B3GALT2: variants seen among roughly 807,000 people sequenced by gnomAD.
B3GALT2 encodes UDP-Gal:betaGlcNAc beta 1,3-galactosyltransferase, polypeptide 2.
Under a neutral mutation model 33.5 loss-of-function variants are expected in B3GALT2, and 13 were observed. The observed-to-expected ratio is 0.39, with a 90% CI of 0.25 to 0.62. The LOEUF (loss-of-function observed/expected upper bound fraction) is 0.62. Ranked by LOEUF, B3GALT2 falls within the 20% of genes least tolerant of loss-of-function variation. B3GALT2 has a pLI of 0.53. For missense variants in B3GALT2, 418 were observed against 509.1 expected (o/e 0.82, Z 1.72); for synonymous variants, 195 against 172.7 (o/e 1.13, Z -1.01).
At position 193,180,776 on chromosome 1, in the gene B3GALT2, T is replaced by G; in HGVS notation, c.787A>C (p.Ile263Leu). The change falls in exon 2 of 2, where the codon ATC becomes CTC. Residue 263 changes from isoleucine to leucine, a missense_variant. Transcript: ENST00000367434. ...AGATCTGGCTTCAGTAACTTATTGA[T>G]TAAATATTCAGTGTTGACAAACATG... Reference protein sequence around the residue: ...SDMFVNTEYLINKLLKPDLPP... With the variant: ...SDMFVNTEYLLNKLLKPDLPP... 6.2e-7 allele frequency: 1 copy of G among 1,614,070 alleles called. No homozygotes were observed.
chr1:193,182,410 TGTAA>T (rs1158530212), intron 1 of B3GALT2, among the ~76,000 whole-genome samples: 3 of 152,178 alleles, frequency 2.0e-5, no homozygotes, highest in Non-Finnish European at 4.4e-5. Context: ...AAATACAGCA[TGTAA>T]GTGTCTTTGA....
At chr1:193,185,678 G>T (rs909407740) in intron 1 of B3GALT2, among the ~76,000 whole-genome samples, 1 of 151,848 alleles carries the variant, frequency 6.6e-6, no homozygotes, top group African/African-American at 2.4e-5. Context: ...GATTCAGTTT[G>T]ACCTAATTTG....
chr1:193,179,220 C>G lies in B3GALT2; in HGVS notation c.*1074G>C, dbSNP rs1676666098. 1 of 152,124 alleles carries G rather than the reference C, an allele frequency of 6.6e-6. No homozygotes were observed. The allele number at this position is 152,124 out of a possible 1,614,324, so 9.4% of individuals were successfully genotyped here. On this transcript the variant is annotated 3_prime_UTR_variant, in exon 2 of 2. Transcript: ENST00000367434. ...TACCAAATTAAAAACTGCAGGTTTG[C>G]AAACTTGGCACTCCAAGAAAGAAAT...
At chr1:193,184,810 G>A (rs902648138) in intron 1 of B3GALT2, among the ~76,000 whole-genome samples, 14 of 152,026 alleles carry the variant, frequency 9.2e-5, no homozygotes, top group African/African-American at 3.4e-4. Context: ...ATGTTGAGGT[G>A]TAATAGAGTC....
At chr1:193,182,233 A>G (rs1192077670) in intron 1 of B3GALT2, among the ~76,000 whole-genome samples, 1 of 152,132 alleles carries the variant, frequency 6.6e-6, no homozygotes, top group Non-Finnish European at 1.5e-5. Context: ...GTGTTGAGAA[A>G]GTCAATGAGA....
In B3GALT2 at chr1:193,181,543, C is replaced by T; in HGVS notation, c.20G>A (p.Arg7Lys). ...GGTCATCTTTGCAAAGCAGCAGTGT[C>T]TTCTCCTCCACTGAAGCATGTTGTA... MLQWRR[R>K]HCCFAKMTWN... Residue 7 changes from arginine to lysine, a missense_variant, in exon 2 of 2, where the codon AGA (arginine) becomes AAA (lysine). Physicochemically the swap from Arg to Lys is conservative, Grantham distance 26. Coordinates refer to ENST00000367434, the MANE Select transcript of B3GALT2 (RefSeq NM_003783.3). 6.3e-7 allele frequency: 1 copy of T among 1,597,312 alleles called. No individual in the cohort carries two copies. Among genetic ancestry groups the T allele is most frequent in the Non-Finnish European group, 8.5e-7 (1 of 1,173,244 alleles).
Position 193,180,315 on chromosome 1 carries a change from A to G in B3GALT2, c.1248T>C (p.Tyr416=), listed in dbSNP as rs1421946849. 6.3e-7 allele frequency: 1 copy of G among 1,581,924 alleles called. No homozygotes were observed. Among genetic ancestry groups the G allele is most frequent in the Non-Finnish European group, 8.6e-7 (1 of 1,164,796 alleles). The change falls in exon 2 of 2, where the codon TAT becomes TAC. Residue 416 remains tyrosine, a synonymous_variant. Transcript: ENST00000367434. ...ANAAKEKAGR[Y]RHRKLH The stretch of plus-strand genomic sequence containing the variant: ...TTTTCTAATGTAGTTTACGGTGGCG[A>G]TACCTGCCTGCCTTTTCTTTTGCTG...
rs1486352660 is a variant in B3GALT2 at position 193,186,360 on chromosome 1, G to C, written c.-462C>G. The stretch of plus-strand genomic sequence containing the variant: ...GCTTTTTACATCTGCTATTTTCCTG[G>C]CTGGACAATGCAGTGCTGTGTTCTC... On this transcript the variant is annotated 5_prime_UTR_variant, in exon 1 of 2. Transcript: ENST00000367434. The C allele has an allele frequency of 6.6e-6, 1 of 152,262 alleles. No individual in the cohort carries two copies. The highest frequency in any genetic ancestry group is 1.5e-5 in the Non-Finnish European group (1 of 68,010). The allele number at this position is 152,262 out of a possible 1,614,324, so 9.4% of individuals were successfully genotyped here. A position where few individuals can be genotyped will look rare whatever the true frequency, so the allele number is the denominator to read the frequency against.
Position 193,180,990 on chromosome 1 carries a change from C to T in B3GALT2, c.573G>A (p.Leu191=). ...AGCCATTTAGCTTAATACTTAAGCC[C>T]AACAAAAATATTCTTGTGATTTGAA... ...PGIQITRIFL[L]GLSIKLNGYL... is the part of the protein sequence containing the mutation. The change falls in exon 2 of 2, where the codon TTG becomes TTA. Residue 191 remains leucine (L), a synonymous_variant. Coordinates refer to ENST00000367434, the MANE Select transcript of B3GALT2 (RefSeq NM_003783.3). The T allele has an allele frequency of 6.2e-7, 1 of 1,613,384 alleles. No individual in the cohort carries two copies. The highest frequency in any genetic ancestry group is 8.5e-7 in the Non-Finnish European group (1 of 1,179,928).
rs1321864139 is a variant in B3GALT2 at position 193,185,439 on chromosome 1, G to A, written c.-121+580C>T. Among the ~76,000 whole-genome samples, 3 of 151,592 alleles carry A rather than the reference G, an allele frequency of 2.0e-5. No homozygotes were observed. The East Asian group carries it at 5.8e-4, about 29-fold the overall frequency. On this transcript the variant is annotated intron_variant, in intron 1 of 1. Coordinates refer to ENST00000367434, the MANE Select transcript of B3GALT2 (RefSeq NM_003783.3). ...CCTTTTAGTATCTTCTTGTAGCTTG[G>A]TAATATTTAAAATTTGTTGATACTC...
intron 1 of B3GALT2, among the ~76,000 whole-genome samples, chr1:193,182,079 A>G (rs1461823424): frequency 1.3e-5 from 2 of 152,172 alleles, no homozygotes; most frequent in Non-Finnish European, 2.9e-5. Flanking sequence ...GATTTGACAT[A>G]CTATTGGTGG....
Position 193,180,695 on chromosome 1 carries a change from G to T in B3GALT2, c.868C>A (p.Arg290=), listed in dbSNP as rs748304059. 2.5e-5 allele frequency: 40 copies of T among 1,614,046 alleles called. No homozygotes were observed. Among genetic ancestry groups the T allele is most frequent in the Admixed American group, 6.7e-5 (4 of 60,008 alleles). ...ATGTACCACTTGCTATCTTTGTTTC[G>T]ATTGGGTGCATATCCTCGCATTAGG... ...GYLMRGYAPN[R]NKDSKWYMPP... The change falls in exon 2 of 2, where the codon CGA becomes AGA. Residue 290 remains arginine (R), a synonymous_variant. Transcript: ENST00000367434.
Position 193,180,826 on chromosome 1 carries a change from G to A in B3GALT2, c.737C>T (p.Pro246Leu). ...NWVATYCPHI[P>L]YVMKTDSDMF... is the part of the protein sequence containing the mutation. ...GTCACTGTCAGTTTTCATAACATAT[G>A]GAATATGTGGACAGTATGTTGCAAC... The change falls in exon 2 of 2, where the codon CCA becomes CTA. Residue 246 changes from proline (P) to leucine (L), a missense_variant. Coordinates refer to ENST00000367434, the MANE Select transcript of B3GALT2 (RefSeq NM_003783.3). The A allele has an allele frequency of 6.2e-7, 1 of 1,613,964 alleles. No homozygotes were observed. The highest frequency in any genetic ancestry group is 8.5e-7 in the Non-Finnish European group (1 of 1,179,914).
In B3GALT2 at chr1:193,180,221, ATGTAAT is replaced by A. The variant is rs1421186283; in HGVS notation, c.*67_*72del. 4.6e-6 allele frequency: 6 copies of A among 1,317,280 alleles called. No homozygotes were observed. The East Asian group carries it at 1.5e-4, about 32-fold the overall frequency. The allele number at this position is 1,317,280 out of a possible 1,614,324, so 81.6% of individuals were successfully genotyped here. On this transcript the variant is annotated 3_prime_UTR_variant, in exon 2 of 2. Coordinates refer to ENST00000367434, the MANE Select transcript of B3GALT2 (RefSeq NM_003783.3). ...GTTTTAACTAAAACTTGTCCTACGG[ATGTAAT>A]CAGTTCTAACTATACATGCTTTTAG...
At chr1:193,184,470 T>A (rs977299784) in intron 1 of B3GALT2, among the ~76,000 whole-genome samples, 3 of 151,730 alleles carry the variant, frequency 2.0e-5, no homozygotes, top group Non-Finnish European at 4.4e-5. Context: ...GTTTATCTCT[T>A]CTTTTTTGAT....
Position 193,181,072 on chromosome 1 carries a change from A to G in B3GALT2, c.491T>C (p.Ile164Thr), listed in dbSNP as rs551420555. 5 of 1,614,000 alleles carry G rather than the reference A, an allele frequency of 3.1e-6. No homozygotes were observed. Among genetic ancestry groups the G allele is most frequent in the East Asian group, 4.5e-5 (2 of 44,888 alleles). Residue 164 changes from isoleucine to threonine, a missense_variant, in exon 2 of 2, where the codon ATA becomes ACA. Transcript: ENST00000367434. ...TTGCCGAATAGCTCTTCTAGCTTCT[A>G]TTTGTCCAGGCTCTGCAGCTATTAG... Reference protein sequence around the residue: ...ILLIAAEPGQIEARRAIRQTW... With the variant: ...ILLIAAEPGQTEARRAIRQTW...
intron 1 of B3GALT2, among the ~76,000 whole-genome samples, chr1:193,183,374 A>T (rs534892385): frequency 6.7e-6 from 1 of 150,148 alleles, no homozygotes; most frequent in South Asian, 2.1e-4. Context: ...ATTTTGAAAG[A>T]TGTGAACAAT....
At chr1:193,184,647 G>A (rs867139493) in intron 1 of B3GALT2, among the ~76,000 whole-genome samples, 13 of 151,798 alleles carry the variant, frequency 8.6e-5, no homozygotes, top group Non-Finnish European at 1.3e-4. Context: ...TTACACTTTT[G>A]TTTTGAGATG....
chr1:193,182,798 C>T (rs768574812), intron 1 of B3GALT2, among the ~76,000 whole-genome samples: 12 of 151,806 alleles, frequency 7.9e-5, no homozygotes, highest in Non-Finnish European at 1.6e-4. Context: ...ACCAATATGT[C>T]GAGGGAGTAG....
Sources: gnomAD v4.1 joint callset for allele counts (sites outside exome capture counted in the v4.1 genomes callset) on GRCh38, gnomAD v4.1.1 for gene constraint, MANE v1.5 for transcripts, NCBI Gene and HGNC (gene_info 2026-07-23, HGNC 2026-07-21) for gene names.